Variants in CTNNBL1 observed in about 807,000 individuals in gnomAD.
CTNNBL1 encodes the protein beta-catenin-like protein 1.
A neutral mutation model predicts 72.7 loss-of-function variants in CTNNBL1; 31 were observed. The ratio of observed to expected loss-of-function variants is 0.43; its 90% CI spans 0.32 to 0.58. The LOEUF (loss-of-function observed/expected upper bound fraction) is 0.58. Ranked by LOEUF, CTNNBL1 falls within the 20% of genes least tolerant of loss-of-function variation. The pLI, the probability that CTNNBL1 is intolerant of heterozygous loss-of-function variation, is 0.08. For synonymous variants in CTNNBL1, 240 were observed against 267.3 expected (o/e 0.90, Z 1.00); for missense variants, 534 against 725.1 (o/e 0.74, Z 3.03).
At chr20:37,824,892 AGAAGGACAC>A (rs2122778003) in intron 11 of CTNNBL1, among the ~76,000 whole-genome samples, 1 of 152,348 alleles carries the variant, frequency 6.6e-6, no homozygotes, top group South Asian at 2.1e-4. Context: ...AAGGAAGGGC[AGAAGGACAC>A]GTGTCCCCTC....
intron 11 of CTNNBL1, among the ~76,000 whole-genome samples, chr20:37,814,206 G>GT (rs1453068323): frequency 2.0e-5 from 3 of 152,130 alleles, no homozygotes; most frequent in Admixed American, 1.3e-4. Flanking sequence ...GTTTGTTTTG[G>GT]TTTTTTTAGA....
intron 2 of CTNNBL1, among the ~76,000 whole-genome samples, chr20:37,734,102 T>G (rs574451135): frequency 2.6e-5 from 4 of 152,336 alleles, no homozygotes; most frequent in Admixed American, 2.0e-4. Context: ...GAGCCAGCTG[T>G]TTTTTGGTTC....
intron 4 of CTNNBL1, among the ~76,000 whole-genome samples, chr20:37,754,989 G>A (rs1418014041): frequency 1.3e-5 from 2 of 151,986 alleles, no homozygotes; most frequent in East Asian, 3.9e-4. Context: ...TGTATTTTTA[G>A]TAGAGACAGG....
chr20:37,777,314 C>T (rs1316764092), intron 7 of CTNNBL1, 31 bp from the exon 8 acceptor site: 2 of 1,581,658 alleles, frequency 1.3e-6, no homozygotes, highest in South Asian at 1.1e-5. Flanking sequence ...GACCCCTTAA[C>T]ATTTTTCTCA....
chr20:37,737,626 G>T (rs1039218748), intron 3 of CTNNBL1, 142 bp downstream of exon 3: 2 of 594,400 alleles, frequency 3.4e-6, no homozygotes, highest in Non-Finnish European at 6.0e-6. Context: ...TCACTAGAAG[G>T]ACTCCCAGGA....
At position 37,842,397 on chromosome 20, in the gene CTNNBL1, A is replaced by G. The variant is rs1205581960; in HGVS notation, c.1370A>G (p.Lys457Arg). ...KYLGAMQVAD[K>R]KIEGEKHDMV... ...CTGGGTGCAATGCAGGTGGCGGACA[A>G]GAAGATTGAAGGGGAAAAACACGTA... is the stretch of plus-strand genomic sequence containing the variant. Residue 457 changes from lysine to arginine, a missense_variant, in exon 13 of 16, where the codon AAG becomes AGG. Transcript: ENST00000361383. 1.2e-6 allele frequency: 2 copies of G among 1,613,604 alleles called. No individual in the cohort carries two copies. The highest frequency in any genetic ancestry group is 2.2e-5 in the East Asian group (1 of 44,900).
intron 1 of CTNNBL1, among the ~76,000 whole-genome samples, chr20:37,718,338 C>T (rs2073008880): frequency 7.2e-6 from 1 of 138,842 alleles, no homozygotes; most frequent in Non-Finnish European, 1.5e-5. Flanking sequence ...CAGGGGGGCT[C>T]CTCACTTCCC....
At position 37,861,242 on chromosome 20, in the gene CTNNBL1, C is replaced by T. The variant is rs192268493; in HGVS notation, c.1603+898C>T. Among the ~76,000 whole-genome samples, 268 of 152,328 alleles carry T rather than the reference C, an allele frequency of 1.8e-3. 1 individual carries two copies. Among genetic ancestry groups the T allele is most frequent in the East Asian group, 6.2e-3 (32 of 5,192 alleles). On this transcript the variant is annotated intron_variant, in intron 15 of 15. Transcript: ENST00000361383. ...TGTGGGTTTCCCTCCTCCTCACCCA[C>T]CCCATGGAGTTCCCCAAATGCTGCT...
At chr20:37,760,735 G>A (rs1384451780) in intron 5 of CTNNBL1, among the ~76,000 whole-genome samples, 2 of 152,216 alleles carry the variant, frequency 1.3e-5, no homozygotes, top group African/African-American at 4.8e-5. Context: ...CTGGCACAGA[G>A]TAAACACCTG....
At chr20:37,871,736 G>A (rs889787603) in intron 15 of CTNNBL1, among the ~76,000 whole-genome samples, 189 bp from the exon 16 acceptor site, 1 of 152,076 alleles carries the variant, frequency 6.6e-6, no homozygotes. Context: ...ATCCAAGCAT[G>A]GAAAGGTAAG....
At chr20:37,813,880 G>A (rs1392517759) in intron 11 of CTNNBL1, among the ~76,000 whole-genome samples, 1 of 152,238 alleles carries the variant, frequency 6.6e-6, no homozygotes, top group Non-Finnish European at 1.5e-5. Flanking sequence ...ATAATTAACT[G>A]TGGGATCTGG....
chr20:37,872,054 C>T lies in CTNNBL1; in HGVS notation c.*41C>T. The T allele has an allele frequency of 6.6e-7, 1 of 1,511,914 alleles. No homozygotes were observed. Among genetic ancestry groups the T allele is most frequent in the Non-Finnish European group, 9.2e-7 (1 of 1,087,062 alleles). 93.7% of individuals were successfully genotyped at this position (1,511,914 alleles called of 1,614,324 possible). The stretch of plus-strand genomic sequence containing the variant: ...GCGCATCATGGACTCTCTCAGCTTC[C>T]CTCCCAGGATCAGTTTCTACACAAC... On this transcript the variant is annotated 3_prime_UTR_variant, in exon 16 of 16. Transcript: ENST00000361383.
intron 11 of CTNNBL1, among the ~76,000 whole-genome samples, chr20:37,812,344 C>G (rs2072019487): frequency 6.6e-6 from 1 of 152,060 alleles, no homozygotes; most frequent in African/African-American, 2.4e-5. Context: ...GGATATAAAC[C>G]TCTTGCCTTT....
At chr20:37,841,798 C>A (rs2072909) in intron 12 of CTNNBL1, among the ~76,000 whole-genome samples, 53,582 of 151,986 alleles carry the variant, frequency 0.35, 9,850 homozygotes, top group Admixed American at 0.48. Context: ...TATTGCCAAG[C>A]AAAAGTCAGG....
At chr20:37,785,997 G>C (rs1362777232) in intron 10 of CTNNBL1, among the ~76,000 whole-genome samples, 1 of 152,248 alleles carries the variant, frequency 6.6e-6, no homozygotes, top group Non-Finnish European at 1.5e-5. Flanking sequence ...TCTGGCTCTT[G>C]TAGACTTGTA....
chr20:37,772,345 G>C (rs2073532715), intron 7 of CTNNBL1, among the ~76,000 whole-genome samples: 1 of 152,004 alleles, frequency 6.6e-6, no homozygotes, highest in South Asian at 2.1e-4. Flanking sequence ...GTTTGTTGCT[G>C]TTGTTGTTGT....
intron 5 of CTNNBL1, among the ~76,000 whole-genome samples, chr20:37,762,344 T>C (rs1184984323): frequency 6.6e-6 from 1 of 152,212 alleles, no homozygotes; most frequent in African/African-American, 2.4e-5. Flanking sequence ...TGGCAGATCG[T>C]ACCAGATAGA....
At chr20:37,831,367 C>CTT (rs202003605) in intron 11 of CTNNBL1, among the ~76,000 whole-genome samples, 1 of 149,258 alleles carries the variant, frequency 6.7e-6, no homozygotes, top group Non-Finnish European at 1.5e-5. Flanking sequence ...TTTTTCTTTT[C>CTT]TTTTTTTTTT....
chr20:37,752,441 C>A (rs1336602362), intron 4 of CTNNBL1, among the ~76,000 whole-genome samples: 1 of 152,106 alleles, frequency 6.6e-6, no homozygotes, highest in Non-Finnish European at 1.5e-5. Flanking sequence ...TTTTTTAACT[C>A]ACATTTATTG....
Sources: allele counts gnomAD v4.1 joint callset (sites outside exome capture counted in the v4.1 genomes callset), GRCh38; gene constraint gnomAD v4.1.1; transcripts MANE v1.5; gene names NCBI Gene and HGNC (gene_info 2026-07-23, HGNC 2026-07-21).